SLC38A6: variants seen among roughly 807,000 people sequenced by gnomAD.
SLC38A6 encodes solute carrier family 38 member 6, also known as N system amino acid transporter NAT-1.
Under a neutral mutation model 65.0 loss-of-function variants are expected in SLC38A6, and 73 were observed. That is an observed-to-expected ratio of 1.12 (90% CI 0.93 to 1.37). The LOEUF is 1.37. Among genes scored for constraint, SLC38A6 ranks in the 40% most tolerant of loss-of-function variants. The pLI, the probability that SLC38A6 is intolerant of heterozygous loss-of-function variation, is 0.00. For missense variants in SLC38A6, 561 were observed against 531.1 expected, an observed-to-expected ratio of 1.06 and a Z score of -0.55; for synonymous variants, 183 against 178.8, an observed-to-expected ratio of 1.02 and a Z score of -0.19.
At position 61,027,638 on chromosome 14, in the gene SLC38A6, T is replaced by G. The variant is rs146930480; in HGVS notation, c.404-2807T>G. Among the ~76,000 whole-genome samples, 776 of 152,280 alleles carry G rather than the reference T, an allele frequency of 5.1e-3. 12 individuals are homozygous for G. Among genetic ancestry groups the G allele is most frequent in the African/African-American group, 0.017 (727 of 41,578 alleles). ...TTCCAGTTCATTTTATTGAGCTGAT[T>G]GTTCTTTTGTATGAATTTAATTAAG... On this transcript the variant is annotated intron_variant, in intron 5 of 15. Transcript: ENST00000267488.
chr14:61,011,570 A>G (rs2039567544), intron 3 of SLC38A6, among the ~76,000 whole-genome samples: 1 of 152,146 alleles, frequency 6.6e-6, no homozygotes, highest in South Asian at 2.1e-4. Flanking sequence ...TACCTAATTT[A>G]TTGAGAGTTT....
At chr14:61,008,246 T>TTA (rs926844818) in intron 3 of SLC38A6, among the ~76,000 whole-genome samples, 1 of 152,160 alleles carries the variant, frequency 6.6e-6, no homozygotes, top group Non-Finnish European at 1.5e-5. Flanking sequence ...ATAATAAAGT[T>TTA]AAAATTTTTG....
intron 12 of SLC38A6, among the ~76,000 whole-genome samples, chr14:61,049,193 C>A (rs1327214216): frequency 6.6e-6 from 1 of 152,104 alleles, no homozygotes; most frequent in East Asian, 1.9e-4. Context: ...CTTTGTAAGT[C>A]ATTATTGCAT....
intron 3 of SLC38A6, among the ~76,000 whole-genome samples, chr14:60,989,896 A>G (rs570607650): frequency 1.3e-5 from 2 of 152,302 alleles, no homozygotes; most frequent in South Asian, 4.1e-4. Flanking sequence ...TCTCTGAAAG[A>G]CAAGTCACGC....
intron 8 of SLC38A6, 37 bp downstream of exon 8, chr14:61,037,720 C>A (rs1233275663): frequency 7.4e-7 from 1 of 1,359,308 alleles, no homozygotes; most frequent in South Asian, 1.3e-5. Flanking sequence ...TATCTCCTCA[C>A]TAAAATTGGA....
chr14:61,027,617 A>T (rs2040679056), intron 5 of SLC38A6, among the ~76,000 whole-genome samples: 1 of 152,078 alleles, frequency 6.6e-6, no homozygotes, highest in Non-Finnish European at 1.5e-5. Context: ...AAACTTTTCC[A>T]GTTCATTTTA....
intron 4 of SLC38A6, among the ~76,000 whole-genome samples, chr14:61,016,432 A>G (rs928122291): frequency 3.3e-5 from 5 of 152,146 alleles, no homozygotes; most frequent in African/African-American, 9.7e-5. Flanking sequence ...ATAGGTGAGG[A>G]AATTAAGGAC....
At chr14:61,076,906 T>C (rs889968154) in intron 15 of SLC38A6, among the ~76,000 whole-genome samples, 2 of 152,226 alleles carry the variant, frequency 1.3e-5, no homozygotes, top group Non-Finnish European at 2.9e-5. Context: ...TTGGATGTCT[T>C]ACGAAACAAT....
At chr14:61,007,050 A>G (rs1439718771) in intron 3 of SLC38A6, among the ~76,000 whole-genome samples, 1 of 152,208 alleles carries the variant, frequency 6.6e-6, no homozygotes, top group Non-Finnish European at 1.5e-5. Flanking sequence ...GGAAATCATC[A>G]TTCTCAGCAA....
At chr14:61,027,734 T>C (rs1387462826) in intron 5 of SLC38A6, among the ~76,000 whole-genome samples, 1 of 34,242 alleles carries the variant, frequency 2.9e-5, no homozygotes, top group Non-Finnish European at 9.1e-5. Context: ...TAATATAATG[T>C]GTTAAAGTGC....
intron 1 of SLC38A6, chr14:60,982,219 T>C (rs772725687): frequency 4.9e-5 from 24 of 492,450 alleles, no homozygotes; most frequent in Middle Eastern, 3.1e-4. Flanking sequence ...ATTCCCATCC[T>C]ATCTTCATCT....
At chr14:61,000,210 A>G (rs2038608381) in intron 3 of SLC38A6, among the ~76,000 whole-genome samples, 1 of 152,256 alleles carries the variant, frequency 6.6e-6, no homozygotes, top group Non-Finnish European at 1.5e-5. Flanking sequence ...CTTGACACAC[A>G]GAGAGTATTT....
intron 3 of SLC38A6, among the ~76,000 whole-genome samples, chr14:61,010,538 C>G (rs1051913586): frequency 1.3e-5 from 2 of 152,150 alleles, no homozygotes; most frequent in Admixed American, 1.3e-4. Context: ...AGTCTTTAAT[C>G]CATCTTGAAT....
chr14:61,083,441 C>T, intron 16 of SLC38A6: 2 of 1,437,490 alleles, frequency 1.4e-6, no homozygotes, highest in Non-Finnish European at 1.8e-6. Flanking sequence ...GGCCCCAATC[C>T]CCAGGACCTC....
chr14:61,054,356 G>C (rs1017263434), downstream of SLC38A6, among the ~76,000 whole-genome samples: 8 of 152,142 alleles, frequency 5.3e-5, no homozygotes, highest in Non-Finnish European at 7.3e-5. Flanking sequence ...TGGCTATTCA[G>C]GCCCTTTTTT....
intron 6 of SLC38A6, chr14:61,034,134 A>C (rs992747190): frequency 1.3e-5 from 2 of 152,130 alleles, no homozygotes; most frequent in Non-Finnish European, 2.9e-5. Flanking sequence ...CTTCAGTCCC[A>C]CAGTTCAGTG....
At chr14:61,014,478 A>G (rs147867454) in intron 3 of SLC38A6, among the ~76,000 whole-genome samples, 287 of 152,170 alleles carry the variant, frequency 1.9e-3, no homozygotes, top group African/African-American at 6.7e-3. Flanking sequence ...TAGAGTTTCC[A>G]GTTTTTCTGC....
chr14:61,071,840 C>T (rs1400582950), intron 15 of SLC38A6, among the ~76,000 whole-genome samples: 1 of 152,174 alleles, frequency 6.6e-6, no homozygotes, highest in Non-Finnish European at 1.5e-5. Flanking sequence ...GGAACTATGA[C>T]ATTACATATT....
At chr14:60,993,358 C>G (rs1327419948) in intron 3 of SLC38A6, among the ~76,000 whole-genome samples, 1 of 152,166 alleles carries the variant, frequency 6.6e-6, no homozygotes, top group Non-Finnish European at 1.5e-5. Flanking sequence ...ACTCCAGAGT[C>G]CACTTTCATA....
Sources: gnomAD v4.1 joint callset for allele counts (sites outside exome capture counted in the v4.1 genomes callset) on GRCh38, gnomAD v4.1.1 for gene constraint, MANE v1.5 for transcripts, NCBI Gene and HGNC (gene_info 2026-07-23, HGNC 2026-07-21) for gene names.